The following SLC24A2 variants were observed in gnomAD, a reference collection of about 807,000 sequenced individuals.
SLC24A2 encodes the protein solute carrier family 24 member 2.
In SLC24A2, 36 loss-of-function variants were observed where a neutral mutation model predicts 62.0. The observed-to-expected ratio is 0.58, with a 90% CI of 0.44 to 0.77. SLC24A2 has a LOEUF of 0.77. Ranked by LOEUF, SLC24A2 falls within the 30% of genes least tolerant of loss-of-function variation. The pLI is 0.00. For missense variants in SLC24A2, 846 were observed against 817.9 expected, an observed-to-expected ratio of 1.03 and a Z score of -0.42; for synonymous variants, 358 against 294.0, an observed-to-expected ratio of 1.22 and a Z score of -2.23.
chr9:20,238,453 A>G, the SLC24A2 span, among the ~76,000 whole-genome samples: 4 of 152,310 alleles, frequency 2.6e-5, no homozygotes, highest in East Asian at 7.7e-4. Context: ...ACCACCCCAG[A>G]TCGAGGAAAG....
the SLC24A2 span, among the ~76,000 whole-genome samples, chr9:20,106,757 A>G: frequency 6.6e-6 from 1 of 152,126 alleles, no homozygotes. Context: ...GAATGGACAA[A>G]AACTGGAAGC....
At chr9:19,664,744 T>C (rs1328618661) in intron 2 of SLC24A2, among the ~76,000 whole-genome samples, 2 of 151,862 alleles carry the variant, frequency 1.3e-5, no homozygotes, top group Non-Finnish European at 2.9e-5. Context: ...CACACAGAGA[T>C]GAAGGCCATA....
intron 2 of SLC24A2, among the ~76,000 whole-genome samples, chr9:19,664,417 T>C (rs1819189801): frequency 1.3e-5 from 2 of 152,208 alleles, no homozygotes; most frequent in African/African-American, 2.4e-5. Flanking sequence ...GAGGAACACA[T>C]GACACACATG....
At chr9:20,198,620 G>A in the SLC24A2 span, among the ~76,000 whole-genome samples, 4 of 152,016 alleles carry the variant, frequency 2.6e-5, no homozygotes, top group African/African-American at 7.2e-5. Flanking sequence ...TTGGGGAGAG[G>A]CAATTTGTGG....
chr9:20,272,601 T>C, the SLC24A2 span, among the ~76,000 whole-genome samples: 1 of 152,220 alleles, frequency 6.6e-6, no homozygotes, highest in Admixed American at 6.5e-5. Context: ...TAAAACTCCA[T>C]ATTCTGTAGT....
At chr9:20,180,804 A>T in the SLC24A2 span, among the ~76,000 whole-genome samples, 2 of 152,218 alleles carry the variant, frequency 1.3e-5, no homozygotes, top group Non-Finnish European at 2.9e-5. Flanking sequence ...AACACAGAAG[A>T]GAAGACAAAT....
At chr9:20,274,502 G>C in the SLC24A2 span, among the ~76,000 whole-genome samples, 2 of 152,106 alleles carry the variant, frequency 1.3e-5, no homozygotes, top group Admixed American at 6.5e-5. Flanking sequence ...TGAGGTGCAA[G>C]GGAAAAAGAG....
the SLC24A2 span, among the ~76,000 whole-genome samples, chr9:20,017,071 G>A: frequency 6.6e-6 from 1 of 152,076 alleles, no homozygotes; most frequent in African/African-American, 2.4e-5. Context: ...GGCCCAGGCT[G>A]GAGTGCAGTG....
chr9:19,769,008 G>A (rs1822602869), intron 2 of SLC24A2, among the ~76,000 whole-genome samples: 1 of 152,138 alleles, frequency 6.6e-6, no homozygotes. Context: ...TCTCGTGTCT[G>A]AACTTGTATT....
the SLC24A2 span, among the ~76,000 whole-genome samples, chr9:19,894,764 T>G: frequency 2.0e-5 from 3 of 152,204 alleles, no homozygotes; most frequent in Non-Finnish European, 4.4e-5. Context: ...TCCCTTACTT[T>G]CTTCTCTCCA....
chr9:19,907,586 T>G, the SLC24A2 span, among the ~76,000 whole-genome samples: 1 of 152,194 alleles, frequency 6.6e-6, no homozygotes, highest in Non-Finnish European at 1.5e-5. Flanking sequence ...CCCCATCGTC[T>G]CAGCCCAAAA....
chr9:19,748,429 T>C (rs1055403564), intron 2 of SLC24A2, among the ~76,000 whole-genome samples: 1 of 152,096 alleles, frequency 6.6e-6, no homozygotes, highest in Non-Finnish European at 1.5e-5. Flanking sequence ...CTGGCCTCCA[T>C]TGATGTAGTG....
At chr9:20,238,959 G>T in the SLC24A2 span, among the ~76,000 whole-genome samples, 3 of 152,176 alleles carry the variant, frequency 2.0e-5, no homozygotes, top group Non-Finnish European at 4.4e-5. Context: ...AAAGGCCACG[G>T]GAGGGCACAT....
At chr9:19,876,953 AT>A in the SLC24A2 span, among the ~76,000 whole-genome samples, 1 of 152,018 alleles carries the variant, frequency 6.6e-6, no homozygotes, top group Non-Finnish European at 1.5e-5. Flanking sequence ...TAGGAGAAAT[AT>A]TTTCATTTGT....
intron 8 of SLC24A2, among the ~76,000 whole-genome samples, chr9:19,540,397 C>G (rs1305801122): frequency 2.7e-5 from 4 of 146,936 alleles, no homozygotes; most frequent in Non-Finnish European, 6.0e-5. Context: ...TTAGGGCAGG[C>G]CTGGTGGTGA....
the SLC24A2 span, among the ~76,000 whole-genome samples, chr9:20,014,517 T>TATATATATATATATACACAC: frequency 6.7e-6 from 1 of 148,392 alleles, no homozygotes; most frequent in Non-Finnish European, 1.5e-5. Flanking sequence ...TATATATATA[T>TATATATATATATATACACAC]ACACACACAC....
chr9:19,732,123 AC>A (rs1821357639), intron 2 of SLC24A2, among the ~76,000 whole-genome samples: 1 of 145,996 alleles, frequency 6.8e-6, no homozygotes, highest in African/African-American at 2.5e-5. Context: ...TAAAAAAAAA[AC>A]TCTTCCTGGT....
the SLC24A2 span, among the ~76,000 whole-genome samples, chr9:20,101,702 T>G: frequency 1.3e-5 from 2 of 152,144 alleles, no homozygotes; most frequent in African/African-American, 2.4e-5. Context: ...ACATTATAAC[T>G]GCTGATGACT....
At chr9:20,202,895 T>C in the SLC24A2 span, among the ~76,000 whole-genome samples, 2 of 152,246 alleles carry the variant, frequency 1.3e-5, no homozygotes, top group Non-Finnish European at 2.9e-5. Context: ...TTTTGAAGTT[T>C]ATATTCAAAA....
Sources: gnomAD v4.1 joint callset for allele counts (sites outside exome capture counted in the v4.1 genomes callset) on GRCh38, gnomAD v4.1.1 for gene constraint, MANE v1.5 for transcripts, NCBI Gene and HGNC (gene_info 2026-07-23, HGNC 2026-07-21) for gene names.